The following LZIC variants were observed in gnomAD, a reference collection of about 807,000 sequenced individuals.
LZIC encodes the protein leucine zipper and CTNNBIP1 domain containing, also known as protein LZIC.
Under a neutral mutation model 25.4 loss-of-function variants are expected in LZIC, and 28 were observed. The observed-to-expected ratio is 1.10, with a 90% CI of 0.82 to 1.51. The LOEUF (loss-of-function observed/expected upper bound fraction) is 1.51, where lower values mean the gene tolerates loss of function less well. LZIC is among the 40% of genes most tolerant of loss of function. The probability of loss-of-function intolerance (pLI) is 0.00; values close to 1 mark genes in which losing one functional copy is unlikely to be tolerated. For synonymous variants in LZIC, 65 were observed against 70.7 expected, an observed-to-expected ratio of 0.92 and a Z score of 0.40; for missense variants, 170 against 211.1, an observed-to-expected ratio of 0.81 and a Z score of 1.21.
At chr1:9,923,353 G>A (rs1243618934), downstream of LZIC, among the ~76,000 whole-genome samples, 1 of 151,762 alleles carries the variant, frequency 6.6e-6, no homozygotes, top group African/African-American at 2.4e-5. Context: ...GGGATTACAG[G>A]CACCTGCCAC....
rs370330351 is a variant in LZIC at position 9,928,386 on chromosome 1, T to C, written c.*2013A>G. On this transcript the variant is annotated 3_prime_UTR_variant, in exon 8 of 8. Coordinates refer to ENST00000377223, the MANE Select transcript of LZIC (RefSeq NM_032368.5). The stretch of plus-strand genomic sequence containing the variant: ...ATTCCTAGGTGTACACCCAAAAAAA[T>C]TGAAAACAGGTATTCAAACAAATAT... 1.5e-4 allele frequency among the ~76,000 whole-genome samples: 23 copies of C among 152,048 alleles called. No individual in the cohort carries two copies. Among genetic ancestry groups the C allele is most frequent in the East Asian group, 1.4e-3 (7 of 5,170 alleles).
downstream of LZIC, chr1:9,922,201 TG>T: frequency 1.4e-6 from 1 of 702,594 alleles, no homozygotes; most frequent in South Asian, 6.5e-5. Flanking sequence ...ATTCTTGTGC[TG>T]GGCTTTAACT....
intron 2 of LZIC, among the ~76,000 whole-genome samples, chr1:9,939,699 A>G (rs1570651662): frequency 6.6e-6 from 1 of 152,016 alleles, no homozygotes; most frequent in African/African-American, 2.4e-5. Context: ...TTTATCACTG[A>G]TATATCTCGA....
rs1557433302 is a variant in LZIC, at chr1:9,929,522, CCTCT to C, written c.*873_*876del. On this transcript the variant is annotated 3_prime_UTR_variant, in exon 8 of 8. Transcript: ENST00000377223. ...GTAGATAACAGCTGACAGTTACCCC[CCTCT>C]GAGTGTGACAAGAGGTCACGCACAG... 2.0e-6 allele frequency: 2 copies of C among 985,234 alleles called. No homozygotes were observed. The highest frequency in any genetic ancestry group is 3.5e-5 in the African/African-American group (2 of 57,214). The allele number at this position is 985,234 out of a possible 1,614,324, so 61.0% of individuals were successfully genotyped here. A position where few individuals can be genotyped will look rare whatever the true frequency, so the allele number is the denominator to read the frequency against.
At chr1:9,942,892 G>A in intron 1 of LZIC, 110 bp from the exon 2 acceptor site, 1 of 362,486 alleles carries the variant, frequency 2.8e-6, no homozygotes, top group South Asian at 2.0e-5. Context: ...AAGGGCGGGG[G>A]CACTTTCCCC....
downstream of LZIC, chr1:9,922,207 T>C (rs1570615210): frequency 1.3e-6 from 1 of 784,864 alleles, no homozygotes; most frequent in East Asian, 1.3e-4. Context: ...GTGCTGGGCT[T>C]TAACTTGGGT....
intron 2 of LZIC, among the ~76,000 whole-genome samples, chr1:9,941,189 G>T (rs66467678): frequency 8.7e-6 from 1 of 114,668 alleles, no homozygotes; most frequent in Admixed American, 9.3e-5. Flanking sequence ...TCGTTCGTTC[G>T]TTCTTTCTTT....
chr1:9,936,612 G>A lies in LZIC; in HGVS notation c.8C>T (p.Ser3Phe), dbSNP rs1281307224. 1.2e-6 allele frequency: 2 copies of A among 1,610,372 alleles called. No individual in the cohort carries two copies. The highest frequency in any genetic ancestry group is 1.7e-6 in the Non-Finnish European group (2 of 1,177,408). The change falls in exon 3 of 8, where the codon TCC becomes TTC. Residue 3 changes from serine to phenylalanine, a missense_variant. Physicochemically the swap from Ser to Phe is radical, Grantham distance 155. Transcript: ENST00000377223. Reference protein sequence around the residue: MASRGKTETSKLK... With the variant: MAFRGKTETSKLK... The stretch of plus-strand genomic sequence containing the variant: ...TTTGCTTGTCTCTGTCTTTCCTCTG[G>A]AAGCCATTTTAATCTCTATGTGAAA...
chr1:9,922,498 A>C (rs1417690576), downstream of LZIC: 1 of 191,510 alleles, frequency 5.2e-6, no homozygotes, highest in Non-Finnish European at 9.6e-6. Flanking sequence ...GGTAGACCGA[A>C]CCTATTGAGG....
At chr1:9,940,723 A>G (rs1259300198) in intron 2 of LZIC, among the ~76,000 whole-genome samples, 2 of 152,230 alleles carry the variant, frequency 1.3e-5, no homozygotes, top group Non-Finnish European at 2.9e-5. Context: ...AATTAAATAT[A>G]ATGACAAAAA....
chr1:9,930,216 G>C lies in LZIC; in HGVS notation c.*183C>G. On this transcript the variant is annotated 3_prime_UTR_variant, in exon 8 of 8. Coordinates refer to ENST00000377223, the MANE Select transcript of LZIC (RefSeq NM_032368.5). ...TTCAGGATCACTCAAGCAGGTAACC[G>C]CACACAACGCACAATGATGAAGAGC... The C allele has an allele frequency of 6.9e-7, 1 of 1,441,620 alleles. No individual in the cohort carries two copies. The highest frequency in any genetic ancestry group is 9.1e-7 in the Non-Finnish European group (1 of 1,094,660). The allele number at this position is 1,441,620 out of a possible 1,614,324, so 89.3% of individuals were successfully genotyped here. A position where few individuals can be genotyped will look rare whatever the true frequency, so the allele number is the denominator to read the frequency against.
chr1:9,942,470 C>G (rs941786663), intron 2 of LZIC, among the ~76,000 whole-genome samples, 154 bp downstream of exon 2: 10 of 152,156 alleles, frequency 6.6e-5, no homozygotes, highest in Non-Finnish European at 1.3e-4. Context: ...AAGCCTTAAC[C>G]TGGTACTACA....
At chr1:9,937,131 C>T (rs922488596) in intron 2 of LZIC, among the ~76,000 whole-genome samples, 4 of 150,080 alleles carry the variant, frequency 2.7e-5, no homozygotes, top group Non-Finnish European at 4.4e-5. Context: ...ACGGTGCTCA[C>T]GCCTGTAATC....
Position 9,929,357 on chromosome 1 carries a change from T to C in LZIC, c.*1042A>G, listed in dbSNP as rs1640117575. On this transcript the variant is annotated 3_prime_UTR_variant, in exon 8 of 8. Transcript: ENST00000377223. ...GAGAAGCACATGAAAGAATATAAAA[T>C]GGCTAGAGCCTAAAAAATAAGCTAA... 1.0e-6 allele frequency: 1 copy of C among 984,874 alleles called. No homozygotes were observed. The highest frequency in any genetic ancestry group is 1.7e-5 in the African/African-American group (1 of 57,218). 61.0% of individuals were successfully genotyped at this position (984,874 alleles called of 1,614,324 possible). A position where few individuals can be genotyped will look rare whatever the true frequency, so the allele number is the denominator to read the frequency against.
downstream of LZIC, among the ~76,000 whole-genome samples, chr1:9,923,865 G>A (rs774277396): frequency 9.2e-5 from 14 of 151,766 alleles, no homozygotes; most frequent in African/African-American, 2.2e-4. Context: ...CGATTCTCCC[G>A]CCTCAGCCTC....
At position 9,937,638 on chromosome 1, in the gene LZIC, G is replaced by T. The variant is rs185781930; in HGVS notation, c.-8-1011C>A. 5.3e-5 allele frequency among the ~76,000 whole-genome samples: 8 copies of T among 151,930 alleles called. No homozygotes were observed. The East Asian group carries it at 1.5e-3, about 29-fold the overall frequency. ...GAGGTGGGAGGATTGCTTGAGCCCA[G>T]GAGTTCGAGACCAGCCTGGCCAATA... On this transcript the variant is annotated intron_variant, in intron 2 of 7. Transcript: ENST00000377223.
At chr1:9,942,885 G>A in intron 1 of LZIC, 103 bp from the exon 2 acceptor site, 1 of 368,452 alleles carries the variant, frequency 2.7e-6, no homozygotes, top group South Asian at 2.0e-5. Context: ...AGACATCAAG[G>A]GCGGGGGCAC....
chr1:9,936,445 G>A lies in LZIC; in HGVS notation c.101+74C>T, dbSNP rs573466211. 2,425 of 885,156 alleles carry A rather than the reference G, an allele frequency of 2.7e-3. 5 individuals are homozygous for A. The highest frequency in any genetic ancestry group is 3.7e-3 in the Non-Finnish European group (1,945 of 527,460). The allele number at this position is 885,156 out of a possible 1,614,324, so 54.8% of individuals were successfully genotyped here. ...AGGGGAATGCAGAATCATCACACAT[G>A]GGCCTGCATCCACGGAGCTAGCTGC... is the stretch of plus-strand genomic sequence containing the variant. On this transcript the variant is annotated intron_variant, in intron 3 of 7. Transcript: ENST00000377223.
rs778755428 is a variant in LZIC at position 9,932,903 on chromosome 1, A to G, written c.337-5T>C. 4 of 1,577,114 alleles carry G rather than the reference A, an allele frequency of 2.5e-6. No homozygotes were observed. In the South Asian group the frequency reaches 3.3e-5, roughly 13 times the overall value. ...TACCATCAGATCTCTATCCATCTAA[A>G]ACGTATGAATGCAAGGCATATGTTA... On this transcript the variant is annotated splice_polypyrimidine_tract_variant and splice_region_variant and intron_variant, in intron 5 of 7. Transcript: ENST00000377223.
Sources: allele counts gnomAD v4.1 joint callset (sites outside exome capture counted in the v4.1 genomes callset), GRCh38; gene constraint gnomAD v4.1.1; transcripts MANE v1.5; gene names NCBI Gene and HGNC (gene_info 2026-07-23, HGNC 2026-07-21).